The following HMCN2 variants were observed in gnomAD, a reference collection of about 807,000 sequenced individuals.
The protein encoded by HMCN2 is hemicentin-2.
In HMCN2, 325 loss-of-function variants were observed where a neutral mutation model predicts 377.5. The observed-to-expected ratio is 0.86, with a 90% CI of 0.79 to 0.94. The LOEUF (loss-of-function observed/expected upper bound fraction) is 0.94, where lower values mean the gene tolerates loss of function less well. HMCN2 is among the 40% of genes least tolerant of loss of function. The pLI is 0.00. For missense variants in HMCN2, 4,543 were observed against 4,725.3 expected (o/e 0.96, Z 1.13); for synonymous variants, 2,007 against 2,046.8 (o/e 0.98, Z 0.53).
intron 1 of HMCN2, among the ~76,000 whole-genome samples, chr9:130,266,414 A>G (rs1554919049): frequency 2.0e-5 from 3 of 150,548 alleles, no homozygotes. Flanking sequence ...AAGTGACCTC[A>G]CCTTCCCGCG....
rs201979384 is a variant in HMCN2, at chr9:130,406,931, A to AC, written c.12554-636dup. On this transcript the variant is annotated intron_variant, in intron 82 of 97. Transcript: ENST00000683500. The stretch of plus-strand genomic sequence containing the variant: ...ATTCCTCTCCTAGAGGTGATGGCCC[A>AC]CCCCAAAGGAAAAGTTCATTATTAG... 1,207 of 152,948 alleles carry AC rather than the reference A, an allele frequency of 7.9e-3. 5 individuals carry two copies. Among genetic ancestry groups the AC allele is most frequent in the Non-Finnish European group, 0.013 (892 of 68,690 alleles). The allele number at this position is 152,948 out of a possible 1,614,324, so 9.5% of individuals were successfully genotyped here.
Position 130,431,472 on chromosome 9 carries a change from G to A in HMCN2, c.14753G>A (p.Gly4918Glu), listed in dbSNP as rs1264861390. Residue 4918 changes from glycine (G) to glutamate (E), a missense_variant, in exon 96 of 98, where the codon GGG (glycine) becomes GAG (glutamate). Physicochemically the swap from Gly to Glu is moderately conservative, Grantham distance 98. Transcript: ENST00000683500. Reference protein sequence around the residue: ...CPAGYRLLPSGKNCQDINECE... With the variant: ...CPAGYRLLPSEKNCQDINECE... ...GCCGGCTACCGTCTGCTCCCCAGCGGGAAGAACTGCCAGGGTGAGCCGGGC... is the reference window on the plus strand; with the variant it reads ...GCCGGCTACCGTCTGCTCCCCAGCGAGAAGAACTGCCAGGGTGAGCCGGGC... 1.3e-6 allele frequency: 2 copies of A among 1,549,516 alleles called. No individual in the cohort carries two copies. Among genetic ancestry groups the A allele is most frequent in the East Asian group, 4.9e-5 (2 of 40,926 alleles).
At chr9:130,305,589 T>C (rs558175889) in intron 11 of HMCN2, among the ~76,000 whole-genome samples, 14 of 152,212 alleles carry the variant, frequency 9.2e-5, no homozygotes, top group African/African-American at 2.2e-4. Context: ...AGGCTATGTC[T>C]AGGCTCTGCA....
chr9:130,358,678 A>AT (rs112129650), intron 36 of HMCN2, among the ~76,000 whole-genome samples, 192 bp downstream of exon 36: 24,721 of 146,232 alleles, frequency 0.17, 2,428 homozygotes, highest in African/African-American at 0.28. Flanking sequence ...TTTTGGCGGG[A>AT]TTTTTTTTTT....
At chr9:130,374,778 C>A in intron 49 of HMCN2, 85 bp downstream of exon 49, 3 of 600,420 alleles carry the variant, frequency 5.0e-6, no homozygotes, top group Non-Finnish European at 6.3e-6. Flanking sequence ...CAACTTCCCA[C>A]AAACCATTCT....
At chr9:130,322,347 T>TATCC (rs1837903342) in intron 19 of HMCN2, among the ~76,000 whole-genome samples, 1 of 48,818 alleles carries the variant, frequency 2.0e-5, no homozygotes, top group Non-Finnish European at 6.4e-5. Flanking sequence ...TCTATCCATC[T>TATCC]ATCTATCTAT....
intron 15 of HMCN2, among the ~76,000 whole-genome samples, chr9:130,311,339 G>A (rs952782757): frequency 1.3e-5 from 2 of 152,206 alleles, no homozygotes; most frequent in Non-Finnish European, 2.9e-5. Context: ...GCCTGGGGGG[G>A]TTGTGCTGTC....
rs1386599953 is a variant in HMCN2 at position 130,377,816 on chromosome 9, G to A, written c.8212+17G>A. 16 of 985,868 alleles carry A rather than the reference G, an allele frequency of 1.6e-5. No individual in the cohort carries two copies. Among genetic ancestry groups the A allele is most frequent in the Non-Finnish European group, 1.9e-5 (16 of 830,008 alleles). The allele number at this position is 985,868 out of a possible 1,614,324, so 61.1% of individuals were successfully genotyped here. ...TCATCCAGGGTGCGTGGCGCCAGTG[G>A]GCCAGGGGTGGGGCGTCAGCCAGTG... On this transcript the variant is annotated intron_variant, in intron 53 of 97. Coordinates refer to ENST00000683500, the MANE Select transcript of HMCN2 (RefSeq NM_001291815.2).
At position 130,361,137 on chromosome 9, in the gene HMCN2, C is replaced by T. The variant is rs150665201; in HGVS notation, c.5950+533C>T. Among the ~76,000 whole-genome samples the T allele has an allele frequency of 1.5e-3, 227 of 152,306 alleles. No individual in the cohort carries two copies. Among genetic ancestry groups the T allele is most frequent in the Non-Finnish European group, 2.0e-3 (134 of 68,034 alleles). ...CACTTATTGAGTCCATGCTCTGGGG[C>T]GGAGACTGGACCTAGAGCCCTAGAT... On this transcript the variant is annotated intron_variant, in intron 38 of 97. Transcript: ENST00000683500. The surrounding 1 kb of genome is among the most constrained non-coding windows in gnomAD (Gnocchi z 4.8).
intron 22 of HMCN2, among the ~76,000 whole-genome samples, chr9:130,334,205 G>A (rs1838584616): frequency 6.6e-6 from 1 of 152,236 alleles, no homozygotes; most frequent in African/African-American, 2.4e-5. Flanking sequence ...AGGAACGGTG[G>A]TCCAGTGCCC....
intron 6 of HMCN2, 125 bp from the exon 7 acceptor site, chr9:130,296,549 G>A: frequency 2.6e-6 from 1 of 389,404 alleles, no homozygotes; most frequent in South Asian, 1.9e-5. Context: ...AGTTGCCCAT[G>A]TGTCTACAAA....
At chr9:130,357,321 G>C (rs370503421) in intron 34 of HMCN2, among the ~76,000 whole-genome samples, 46 of 150,588 alleles carry the variant, frequency 3.1e-4, no homozygotes, top group Middle Eastern at 6.8e-3. Flanking sequence ...TGCATGGGTG[G>C]GTGGGTGGAT....
At position 130,375,715 on chromosome 9, in the gene HMCN2, A is replaced by G; in HGVS notation, c.7783A>G (p.Arg2595Gly). 1.6e-5 allele frequency: 16 copies of G among 985,940 alleles called. No individual in the cohort carries two copies. Among genetic ancestry groups the G allele is most frequent in the Non-Finnish European group, 1.9e-5 (16 of 829,992 alleles). 61.1% of individuals were successfully genotyped at this position (985,940 alleles called of 1,614,324 possible). ...GGACGGGGCCCCGTTTGAGGCCTCC[A>G]GGAACATCCAGCTGCTCCCAGGTGA... is the stretch of plus-strand genomic sequence containing the variant. ...MKDGAPFEAS[R>G]NIQLLPGTHG... The change falls in exon 50 of 98, where the codon AGG (arginine) becomes GGG (glycine). Residue 2595 changes from arginine to glycine, a missense_variant. Arg to Gly is a moderately radical substitution (Grantham distance 125, BLOSUM62 -2). Coordinates refer to ENST00000683500, the MANE Select transcript of HMCN2 (RefSeq NM_001291815.2).
chr9:130,373,715 G>GGATGGATGGAT (rs1841201029), intron 48 of HMCN2, among the ~76,000 whole-genome samples: 1 of 150,844 alleles, frequency 6.6e-6, no homozygotes, highest in Non-Finnish European at 1.5e-5. Context: ...GTAGATGGAT[G>GGATGGATGGAT]GATGGATGGA....
At position 130,396,079 on chromosome 9, in the gene HMCN2, G is replaced by GGCC; in HGVS notation, c.11053+14_11053+15insGCC. 18 of 482,394 alleles carry GGCC rather than the reference G, an allele frequency of 3.7e-5. No homozygotes were observed. Among genetic ancestry groups the GGCC allele is most frequent in the African/African-American group, 4.8e-5 (1 of 20,880 alleles). 29.9% of individuals were successfully genotyped at this position (482,394 alleles called of 1,614,324 possible). ...TGGAGATCCACAGTGAGTAGGGCCCGCCCCACCCCACCCTGCCCACCTTAC... is the reference window on the plus strand; with the variant it reads ...TGGAGATCCACAGTGAGTAGGGCCCGGCCCCCCACCCCACCCTGCCCACCTTAC... On this transcript the variant is annotated intron_variant, in intron 72 of 97. Transcript: ENST00000683500.
intron 61 of HMCN2, 72 bp from the exon 62 acceptor site, chr9:130,388,337 C>T (rs977433272): frequency 3.1e-5 from 30 of 978,998 alleles, no homozygotes; most frequent in Non-Finnish European, 3.6e-5. Context: ...CTTAGGCCTC[C>T]CTGATCTGCC....
In HMCN2 at chr9:130,388,074, C is replaced by T. The variant is rs117893764; in HGVS notation, c.9392-335C>T. 1.2e-3 allele frequency among the ~76,000 whole-genome samples: 185 copies of T among 152,238 alleles called. 2 individuals are homozygous for T. Among genetic ancestry groups the T allele is most frequent in the Admixed American group, 2.0e-3 (30 of 15,290 alleles). ...CATCTTGAGCCTGGTTGACTCTGTT[C>T]CGCTGGTGGTGTCTGCCTGGGGTGT... On this transcript the variant is annotated intron_variant, in intron 61 of 97. Transcript: ENST00000683500.
In HMCN2 at chr9:130,410,577, G is replaced by C; in HGVS notation, c.12886G>C (p.Asp4296His). The change falls in exon 85 of 98, where the codon GAT becomes CAT. Residue 4296 changes from aspartate (D) to histidine (H), a missense_variant. By Grantham distance (81) the Asp-to-His change is moderately conservative. Around this residue, in one of 5 missense-constraint regions of HMCN2, gnomAD observed 1,155 missense variants for 1,157.7 expected, o/e 1.00. Transcript: ENST00000683500. ...SLTIRRTERD[D>H]AGRYQCLAEN... ...CTCCTGTGCCCACTTGCAGAGGGACGATGCGGGACGGTACCAGTGCCTGGC... is the reference window on the plus strand; with the variant it reads ...CTCCTGTGCCCACTTGCAGAGGGACCATGCGGGACGGTACCAGTGCCTGGC... 3.2e-6 allele frequency: 5 copies of C among 1,550,572 alleles called. No homozygotes were observed. The highest frequency in any genetic ancestry group is 4.4e-6 in the Non-Finnish European group (5 of 1,146,976).
intron 15 of HMCN2, among the ~76,000 whole-genome samples, chr9:130,310,654 G>A (rs1837198018): frequency 6.6e-6 from 1 of 151,530 alleles, no homozygotes. Flanking sequence ...GGAGGCGGGG[G>A]CTACCCATGG....
Sources: allele counts gnomAD v4.1 joint callset (sites outside exome capture counted in the v4.1 genomes callset), GRCh38; gene constraint gnomAD v4.1.1; regional missense constraint gnomAD v4.1.1; non-coding constraint Gnocchi (gnomAD v3.1); transcripts MANE v1.5; gene names NCBI Gene and HGNC (gene_info 2026-07-23, HGNC 2026-07-21).